CREBBP: variants seen among roughly 807,000 people sequenced by gnomAD.
CREBBP encodes CREB binding lysine acetyltransferase, also known as CREB-binding protein.
Under a neutral mutation model 265.0 loss-of-function variants are expected in CREBBP, and 19 were observed. That is an observed-to-expected ratio of 0.07 (90% CI 0.05 to 0.11). CREBBP has a LOEUF of 0.11. Ranked by LOEUF, CREBBP falls within the 10% of genes least tolerant of loss-of-function variation. The pLI, the probability that CREBBP is intolerant of heterozygous loss-of-function variation, is 1.00. For synonymous variants in CREBBP, 1,457 were observed against 1,223.7 expected (o/e 1.19, Z -3.98); for missense variants, 2,525 against 3,219.0 (o/e 0.78, Z 5.22).
chr16:3,800,271 C>T lies in CREBBP; in HGVS notation c.976-6645G>A, dbSNP rs575195207. 1.3e-4 allele frequency among the ~76,000 whole-genome samples: 20 copies of T among 152,132 alleles called. 1 individual carries two copies. The highest frequency in any genetic ancestry group is 2.8e-4 in the Non-Finnish European group (19 of 68,010). ...TAGCTGAGATGACAAGTGTGCATCA[C>T]GACGCCCAGCTAAGTTTTAAAATTT... is the stretch of plus-strand genomic sequence containing the variant. On this transcript the variant is annotated intron_variant, in intron 3 of 30. Coordinates refer to ENST00000262367, the MANE Select transcript of CREBBP (RefSeq NM_004380.3).
At chr16:3,745,697 A>G (rs112013979) in intron 21 of CREBBP, 34 of 396,868 alleles carry the variant, frequency 8.6e-5, no homozygotes, top group African/African-American at 5.9e-4. Context: ...TGCAAGAACA[A>G]TGCCTTCTCT....
intron 2 of CREBBP, among the ~76,000 whole-genome samples, chr16:3,823,243 T>C (rs2054174408): frequency 6.6e-6 from 1 of 152,206 alleles, no homozygotes; most frequent in African/African-American, 2.4e-5. Flanking sequence ...AGTCGTTCTC[T>C]ACTCAAACAT....
intron 2 of CREBBP, among the ~76,000 whole-genome samples, chr16:3,849,455 GTGT>G (rs2054773697): frequency 1.1e-5 from 1 of 90,106 alleles, no homozygotes; most frequent in Admixed American, 1.2e-4. Flanking sequence ...GTGTGTGTGT[GTGT>G]GTGTGTGTGT....
At chr16:3,748,460 C>T (rs129978) in intron 21 of CREBBP, among the ~76,000 whole-genome samples, 5,560 of 152,302 alleles carry the variant, frequency 0.037, 339 homozygotes, top group African/African-American at 0.13. Context: ...GATTTCACAT[C>T]ATCGTCCTGT....
chr16:3,856,382 C>A (rs1314051055), intron 1 of CREBBP, among the ~76,000 whole-genome samples: 2 of 152,200 alleles, frequency 1.3e-5, no homozygotes. Context: ...AGTGAAGTTG[C>A]AGGCTCAATG....
rs1470759220 is a variant in CREBBP, at chr16:3,770,644, G to T, written c.2806C>A (p.Pro936Thr). 6.2e-7 allele frequency: 1 copy of T among 1,613,894 alleles called. No homozygotes were observed. The highest frequency in any genetic ancestry group is 1.3e-5 in the African/African-American group (1 of 74,908). ...VTPQPQTPVQ[P>T]PSVATPQSSQ... Reference sequence around the variant, plus strand: ...GACTGAGGGGTAGCCACAGACGGGGGCTGAACTGGGGTTTGAGGCTGCGGG... The same window carrying T: ...GACTGAGGGGTAGCCACAGACGGGGTCTGAACTGGGGTTTGAGGCTGCGGG... The change falls in exon 14 of 31, where the codon CCC becomes ACC. Residue 936 changes from proline (P) to threonine (T), a missense_variant. Physicochemically the swap from Pro to Thr is conservative, Grantham distance 38 (BLOSUM62 -1). Coordinates refer to ENST00000262367, the MANE Select transcript of CREBBP (RefSeq NM_004380.3).
rs117116047 is a variant in CREBBP, at chr16:3,827,775, C to G, written c.799-16996G>C. Among the ~76,000 whole-genome samples, 89 of 152,182 alleles carry G rather than the reference C, an allele frequency of 5.8e-4. 1 individual carries two copies. In the East Asian group the frequency reaches 0.016, roughly 27 times the overall value. ...ATACAACAATGGCTGACTACAGCCC[C>G]GGCCTCCTGAGCTCAAGTGATCTTC... On this transcript the variant is annotated intron_variant, in intron 2 of 30. Coordinates refer to ENST00000262367, the MANE Select transcript of CREBBP (RefSeq NM_004380.3).
Position 3,838,446 on chromosome 16 carries a change from C to T in CREBBP, c.798+11851G>A, listed in dbSNP as rs140861538. Among the ~76,000 whole-genome samples, 195 of 152,180 alleles carry T rather than the reference C, an allele frequency of 1.3e-3. 2 individuals are homozygous for T. The highest frequency in any genetic ancestry group is 4.6e-3 in the African/African-American group (191 of 41,522). ...GCCTAAGTTACTCTTCAAGATGGTC[C>T]CCTGGGAGACATGTCAAATGAAAAT... On this transcript the variant is annotated intron_variant, in intron 2 of 30. Coordinates refer to ENST00000262367, the MANE Select transcript of CREBBP (RefSeq NM_004380.3).
chr16:3,879,727 G>T, intron 1 of CREBBP, 105 bp downstream of exon 1: 1 of 1,247,024 alleles, frequency 8.0e-7, no homozygotes, highest in Non-Finnish European at 1.1e-6. Flanking sequence ...CCTGCTCCGA[G>T]CTCCCGGCTC....
Position 3,745,281 on chromosome 16 carries a change from A to G in CREBBP, c.3910T>C (p.Ser1304Pro), listed in dbSNP as rs2052315155. Residue 1304 changes from serine (S) to proline (P), a missense_variant, in exon 22 of 31, where the codon TCA becomes CCA. Physicochemically the swap from Ser to Pro is moderately conservative, Grantham distance 74. This residue lies in a region of CREBBP where 252 missense variants were observed against 452.5 expected (regional missense o/e 0.56). Coordinates refer to ENST00000262367, the MANE Select transcript of CREBBP (RefSeq NM_004380.3). ...CVLHYDIIWP[S>P]GFVCDNCLKK... ...AGGCCAGGGGAAACAACTCACCCTG[A>G]AGGCCAAATGATGTCATAGTGCAGA... The G allele has an allele frequency of 6.2e-7, 1 of 1,613,748 alleles. No homozygotes were observed.
chr16:3,767,845 T>G lies in CREBBP; in HGVS notation c.3125A>C (p.Lys1042Thr). ...TTCATCCACTTCCATTGGTTCTGAT[T>G]TCTGCTCTGCTATGTCTGTTTCTTC... ...VKEETDIAEQ[K>T]SEPMEVDEKK... Residue 1042 changes from lysine to threonine, a missense_variant, in exon 16 of 31, where the codon AAA (lysine) becomes ACA (threonine). By Grantham distance (78) the Lys-to-Thr change is moderately conservative. Around this residue, in one of 19 missense-constraint regions of CREBBP, gnomAD observed 548 missense variants for 533.0 expected, o/e 1.03. Coordinates refer to ENST00000262367, the MANE Select transcript of CREBBP (RefSeq NM_004380.3). 6.2e-7 allele frequency: 1 copy of G among 1,614,234 alleles called. No individual in the cohort carries two copies. Among genetic ancestry groups the G allele is most frequent in the South Asian group, 1.1e-5 (1 of 91,088 alleles).
intron 9 of CREBBP, among the ~76,000 whole-genome samples, 192 bp downstream of exon 9, chr16:3,778,508 A>AT (rs1210862716): frequency 3.9e-5 from 6 of 152,242 alleles, no homozygotes; most frequent in Non-Finnish European, 8.8e-5. Context: ...TCCATGCACC[A>AT]ATGTAGCTAA....
chr16:3,740,148 T>C (rs1347552698), intron 24 of CREBBP, among the ~76,000 whole-genome samples: 2 of 152,170 alleles, frequency 1.3e-5, no homozygotes, highest in Non-Finnish European at 2.9e-5. Context: ...TAAGTAATAA[T>C]AAAATAAGAA....
In CREBBP at chr16:3,766,081, T is replaced by C. The variant is rs574920728; in HGVS notation, c.3250+1639A>G. On this transcript the variant is annotated intron_variant, in intron 16 of 30. Transcript: ENST00000262367. ...TTTTTTGACACTGTATAGTGAAATATGTCAACATATGGAAAATCTGCAGAA... is the reference window on the plus strand; with the variant it reads ...TTTTTTGACACTGTATAGTGAAATACGTCAACATATGGAAAATCTGCAGAA... Among the ~76,000 whole-genome samples, 18 of 152,164 alleles carry C rather than the reference T, an allele frequency of 1.2e-4. No homozygotes were observed. In the East Asian group the frequency reaches 3.5e-3, roughly 29 times the overall value.
At chr16:3,829,685 T>C (rs535464880) in intron 2 of CREBBP, among the ~76,000 whole-genome samples, 33 of 152,258 alleles carry the variant, frequency 2.2e-4, no homozygotes, top group African/African-American at 7.9e-4. Flanking sequence ...ATCTGAGTAA[T>C]TAAGAGCCTG....
intron 19 of CREBBP, among the ~76,000 whole-genome samples, chr16:3,752,362 G>C (rs1196721783): frequency 6.6e-6 from 1 of 151,798 alleles, no homozygotes; most frequent in East Asian, 1.9e-4. Context: ...ATTTATGCTT[G>C]ACAGCAATTC....
intron 27 of CREBBP, 78 bp downstream of exon 27, chr16:3,736,572 C>A (rs1379869433): frequency 1.3e-6 from 2 of 1,578,316 alleles, no homozygotes; most frequent in African/African-American, 1.3e-5. Context: ...AACAAGTATG[C>A]GAATGCAAGA....
At position 3,760,395 on chromosome 16, in the gene CREBBP, T is replaced by TTTTTTTTG. The variant is rs1246830333; in HGVS notation, c.3251-1424_3251-1423insCAAAAAAA. ...GCACTAAGCTATCATGCCCAGGTTT[T>TTTTTTTTG]TTTTTTTTTTTTTTTTTTTTTTTTT... On this transcript the variant is annotated intron_variant, in intron 16 of 30. Coordinates refer to ENST00000262367, the MANE Select transcript of CREBBP (RefSeq NM_004380.3). Among the ~76,000 whole-genome samples, 324 of 91,934 alleles carry TTTTTTTTG rather than the reference T, an allele frequency of 3.5e-3. 1 individual carries two copies. The highest frequency in any genetic ancestry group is 4.7e-3 in the Non-Finnish European group (239 of 51,122). 60.3% of individuals were successfully genotyped at this position (91,934 alleles called of 152,430 possible). A position where few individuals can be genotyped will look rare whatever the true frequency, so the allele number is the denominator to read the frequency against.
At chr16:3,770,243 G>A (rs2052967089) in intron 14 of CREBBP, among the ~76,000 whole-genome samples, 3 of 151,990 alleles carry the variant, frequency 2.0e-5, no homozygotes, top group Non-Finnish European at 2.9e-5. Context: ...GTACAGTGGC[G>A]TGATCTTGGC....
Sources: gnomAD v4.1 joint callset for allele counts (sites outside exome capture counted in the v4.1 genomes callset) on GRCh38, gnomAD v4.1.1 for gene constraint, gnomAD v4.1.1 regional missense constraint, MANE v1.5 for transcripts, NCBI Gene and HGNC (gene_info 2026-07-23, HGNC 2026-07-21) for gene names.